SDK1: variants seen among roughly 807,000 people sequenced by gnomAD.
SDK1 encodes protein sidekick-1.
In SDK1, 157 loss-of-function variants were observed where a neutral mutation model predicts 245.5. That is an observed-to-expected ratio of 0.64 (90% CI 0.56 to 0.73). The LOEUF is 0.73. Ranked by LOEUF, SDK1 falls within the 30% of genes least tolerant of loss-of-function variation. SDK1 has a pLI of 0.00. For synonymous variants in SDK1, 1,647 were observed against 1,278.5 expected (o/e 1.29, Z -6.15); for missense variants, 3,583 against 3,002.3 (o/e 1.19, Z -4.52).
At chr7:4,195,715 C>A (rs1057127060) in intron 35 of SDK1, among the ~76,000 whole-genome samples, 2 of 152,176 alleles carry the variant, frequency 1.3e-5, no homozygotes, top group Non-Finnish European at 2.9e-5. Context: ...CTCCCTGGGG[C>A]TCAATCTCCT....
At chr7:3,861,001 G>A (rs1015398057) in intron 5 of SDK1, among the ~76,000 whole-genome samples, 4 of 152,066 alleles carry the variant, frequency 2.6e-5, no homozygotes, top group African/African-American at 9.7e-5. Flanking sequence ...TCCCCACTTT[G>A]GCTCAAGTAA....
Position 3,534,576 on chromosome 7 carries a change from G to T in SDK1, c.299-84504G>T, listed in dbSNP as rs533919198. Among the ~76,000 whole-genome samples, 10 of 152,114 alleles carry T rather than the reference G, an allele frequency of 6.6e-5. No homozygotes were observed. The South Asian group carries it at 2.1e-3, about 32-fold the overall frequency. ...TTTTTTTGGTGGTCCCATCCCAACAGGTGTGAGGTGGTGTTGCACTGTGGC... is the reference window on the plus strand; with the variant it reads ...TTTTTTTGGTGGTCCCATCCCAACATGTGTGAGGTGGTGTTGCACTGTGGC... On this transcript the variant is annotated intron_variant, in intron 1 of 44. Coordinates refer to ENST00000404826, the MANE Select transcript of SDK1 (RefSeq NM_152744.4).
rs1440278844 is a variant in SDK1, at chr7:4,110,659, A to T, written c.3325-4A>T. 1.2e-6 allele frequency: 2 copies of T among 1,602,892 alleles called. No individual in the cohort carries two copies. The highest frequency in any genetic ancestry group is 2.7e-5 in the African/African-American group (2 of 74,620). On this transcript the variant is annotated splice_polypyrimidine_tract_variant and splice_region_variant and intron_variant, in intron 22 of 44. Coordinates refer to ENST00000404826, the MANE Select transcript of SDK1 (RefSeq NM_152744.4). ...AGCCCATCTCAGTGTCTCCCTCTGC[A>T]CAGGTGGGAGCTATCGGCGACGAGG...
chr7:4,140,218 C>A (rs1203633176), intron 28 of SDK1, among the ~76,000 whole-genome samples: 1 of 152,204 alleles, frequency 6.6e-6, no homozygotes, highest in Non-Finnish European at 1.5e-5. Flanking sequence ...CCTCTCAGAT[C>A]AGTGGCTTTG....
chr7:3,393,929 G>C (rs570795289), intron 1 of SDK1, among the ~76,000 whole-genome samples: 1 of 152,222 alleles, frequency 6.6e-6, no homozygotes, highest in African/African-American at 2.4e-5. Flanking sequence ...GCTTTAAAGA[G>C]TTAGGCATTT....
intron 1 of SDK1, among the ~76,000 whole-genome samples, chr7:3,397,014 A>G (rs547602013): frequency 1.3e-5 from 2 of 151,816 alleles, no homozygotes; most frequent in East Asian, 3.9e-4. Flanking sequence ...TTTAGTATAT[A>G]TTTTGAGTTA....
chr7:3,861,786 C>G (rs566382831), intron 5 of SDK1, among the ~76,000 whole-genome samples: 105 of 152,248 alleles, frequency 6.9e-4, no homozygotes, highest in African/African-American at 2.4e-3. Context: ...TTTACCCTCT[C>G]CCGTCAATGT....
At chr7:3,915,007 C>T (rs1407954790) in intron 5 of SDK1, among the ~76,000 whole-genome samples, 1 of 152,332 alleles carries the variant, frequency 6.6e-6, no homozygotes, top group East Asian at 1.9e-4. Context: ...CGCCATCCTT[C>T]AGTCAACTTT....
At chr7:4,139,699 GTGTGTA>G (rs1167997767) in intron 28 of SDK1, among the ~76,000 whole-genome samples, 3 of 61,886 alleles carry the variant, frequency 4.8e-5, no homozygotes, top group Non-Finnish European at 7.5e-5. Context: ...GTATGTGTGT[GTGTGTA>G]TGTGTGTGTG....
At chr7:4,196,979 C>T (rs979877191) in intron 35 of SDK1, among the ~76,000 whole-genome samples, 1 of 152,238 alleles carries the variant, frequency 6.6e-6, no homozygotes, top group Non-Finnish European at 1.5e-5. Flanking sequence ...GCTTGAACTC[C>T]AGCCTTGCTT....
intron 5 of SDK1, among the ~76,000 whole-genome samples, chr7:3,853,272 A>T (rs910091631): frequency 6.6e-6 from 1 of 152,182 alleles, no homozygotes; most frequent in African/African-American, 2.4e-5. Context: ...TTGTAGTCCT[A>T]AGTGGATTCT....
At chr7:4,220,692 C>T (rs1383023194) in intron 39 of SDK1, among the ~76,000 whole-genome samples, 1 of 152,136 alleles carries the variant, frequency 6.6e-6, no homozygotes, top group African/African-American at 2.4e-5. Context: ...AACCGGCATT[C>T]AGGGAGTGCT....
At chr7:3,586,445 C>T (rs1292021845) in intron 1 of SDK1, among the ~76,000 whole-genome samples, 1 of 151,724 alleles carries the variant, frequency 6.6e-6, no homozygotes, top group Non-Finnish European at 1.5e-5. Context: ...CGCCTGTAAT[C>T]CCAGCACTTT....
At chr7:4,217,900 C>G (rs1253668350) in intron 38 of SDK1, among the ~76,000 whole-genome samples, 1 of 151,992 alleles carries the variant, frequency 6.6e-6, no homozygotes. Context: ...GTTTTTGCTC[C>G]AGGGAGAAGG....
At chr7:4,116,562 A>G (rs536023126) in intron 25 of SDK1, among the ~76,000 whole-genome samples, 1 of 152,180 alleles carries the variant, frequency 6.6e-6, no homozygotes, top group Non-Finnish European at 1.5e-5. Context: ...AGGTTACTGT[A>G]ATGCACAGTG....
At chr7:3,830,438 G>C (rs1779885589) in intron 5 of SDK1, among the ~76,000 whole-genome samples, 1 of 152,074 alleles carries the variant, frequency 6.6e-6, no homozygotes, top group Non-Finnish European at 1.5e-5. Flanking sequence ...TTAAGCATAA[G>C]AGTTCTTTAA....
intron 4 of SDK1, among the ~76,000 whole-genome samples, chr7:3,799,274 T>C (rs1779044279): frequency 6.6e-6 from 1 of 152,128 alleles, no homozygotes; most frequent in South Asian, 2.1e-4. Flanking sequence ...TGGAAAGAAA[T>C]AGTATCTTTA....
At chr7:3,811,873 C>A (rs2115048318) in intron 4 of SDK1, among the ~76,000 whole-genome samples, 1 of 152,288 alleles carries the variant, frequency 6.6e-6, no homozygotes, top group East Asian at 1.9e-4. Context: ...ATGTGATATC[C>A]CATCAGATTT....
chr7:4,262,178 A>G (rs1211358353), intron 44 of SDK1, among the ~76,000 whole-genome samples: 1 of 150,668 alleles, frequency 6.6e-6, no homozygotes, highest in Non-Finnish European at 1.5e-5. Flanking sequence ...AGCTGGTATT[A>G]CAGGCACCCA....
Sources: gnomAD v4.1 joint callset for allele counts (sites outside exome capture counted in the v4.1 genomes callset) on GRCh38, gnomAD v4.1.1 for gene constraint, MANE v1.5 for transcripts, NCBI Gene and HGNC (gene_info 2026-07-23, HGNC 2026-07-21) for gene names.